The following DLC1 variants were observed in gnomAD, a reference collection of about 807,000 sequenced individuals.
DLC1 encodes the protein rho GTPase-activating protein 7.
In DLC1, 54 loss-of-function variants were observed where a neutral mutation model predicts 140.3. That is an observed-to-expected ratio of 0.38 (90% confidence interval 0.31 to 0.48). DLC1 has a LOEUF of 0.48. Among genes scored for constraint, DLC1 ranks in the 20% least tolerant of loss-of-function variants. The pLI, the probability that DLC1 is intolerant of heterozygous loss-of-function variation, is 0.96. For synonymous variants in DLC1, 986 were observed against 728.1 expected (o/e 1.35, Z -5.70); for missense variants, 2,536 against 1,907.0 (o/e 1.33, Z -6.14).
chr8:13,140,530 C>A (rs936129003), intron 5 of DLC1, among the ~76,000 whole-genome samples: 3 of 151,700 alleles, frequency 2.0e-5, no homozygotes, highest in Admixed American at 6.6e-5. Flanking sequence ...CAGTGCCTGG[C>A]CAACTTTTTT....
intron 2 of DLC1, among the ~76,000 whole-genome samples, chr8:13,413,279 G>GTTTTTTTTTTTTTTT (rs1837880881): frequency 1.6e-4 from 2 of 12,170 alleles, no homozygotes; most frequent in Admixed American, 8.7e-4. Context: ...TTTTTTTTTA[G>GTTTTTTTTTTTTTTT]CTCATCAACT....
intron 4 of DLC1, among the ~76,000 whole-genome samples, chr8:13,386,026 C>T (rs1046801857): frequency 1.3e-5 from 2 of 152,176 alleles, no homozygotes; most frequent in Non-Finnish European, 2.9e-5. Context: ...ATGTGGCATG[C>T]TGTTGGCTTG....
intron 5 of DLC1, among the ~76,000 whole-genome samples, chr8:13,123,052 G>A (rs1287896178): frequency 1.3e-5 from 2 of 152,156 alleles, no homozygotes; most frequent in Non-Finnish European, 2.9e-5. Context: ...AGGAAGCCAA[G>A]TGGAAAGGAA....
intron 5 of DLC1, among the ~76,000 whole-genome samples, chr8:13,233,420 A>G (rs954365614): frequency 6.6e-6 from 1 of 151,862 alleles, no homozygotes; most frequent in African/African-American, 2.4e-5. Flanking sequence ...ATTTCATGAC[A>G]GATACTCTTA....
chr8:13,487,135 G>A (rs1243093901), intron 2 of DLC1, among the ~76,000 whole-genome samples: 7 of 152,098 alleles, frequency 4.6e-5, no homozygotes, highest in African/African-American at 1.4e-4. Flanking sequence ...AGTAGTGACC[G>A]CTTGGTTCTT....
chr8:13,188,803 A>ATATATATATATATATATATATATATGTG (rs1826547105), intron 5 of DLC1, among the ~76,000 whole-genome samples: 3 of 41,414 alleles, frequency 7.2e-5, no homozygotes, highest in Non-Finnish European at 1.4e-4. Flanking sequence ...GTGTGTGTGT[A>ATATATATATATATATATATATATATGTG]TATATATATA....
chr8:13,539,715 G>T lies in DLC1; in HGVS notation c.-125-39519C>A, dbSNP rs192197829. On this transcript the variant is annotated intron_variant, in intron 1 of 1. Transcript: ENST00000631382. Reference sequence around the variant, plus strand: ...TGTTTGTAGCTTTTATTCTGTTTTTGTTCCTGAAGATGAGGCATTAAGAAA... The same window carrying T: ...TGTTTGTAGCTTTTATTCTGTTTTTTTTCCTGAAGATGAGGCATTAAGAAA... Among the ~76,000 whole-genome samples, 748 of 151,534 alleles carry T rather than the reference G, an allele frequency of 4.9e-3. 7 individuals are homozygous for T. The highest frequency in any genetic ancestry group is 0.014 in the Middle Eastern group (4 of 294).
chr8:13,388,386 G>C (rs1164727912), intron 4 of DLC1, among the ~76,000 whole-genome samples: 1 of 151,980 alleles, frequency 6.6e-6, no homozygotes, highest in African/African-American at 2.4e-5. Context: ...TCATTCCAGA[G>C]CTGAAACTCC....
chr8:13,342,784 G>C (rs111906396), intron 4 of DLC1: 3 of 151,506 alleles, frequency 2.0e-5, no homozygotes, highest in Non-Finnish European at 4.4e-5. Flanking sequence ...CATATCCATC[G>C]GTTCTGTTTC....
chr8:13,598,431 A>G (rs1805754251), intron 1 of DLC1, among the ~76,000 whole-genome samples: 1 of 151,896 alleles, frequency 6.6e-6, no homozygotes, highest in East Asian at 1.9e-4. Flanking sequence ...CAGCCAACAA[A>G]CATTTGCTTT....
chr8:13,169,363 A>T (rs1825308711), intron 5 of DLC1, among the ~76,000 whole-genome samples: 1 of 152,196 alleles, frequency 6.6e-6, no homozygotes, highest in African/African-American at 2.4e-5. Context: ...AAAATTATTT[A>T]ATCTCTCAAA....
At chr8:13,546,675 A>C (rs1169403718) in intron 1 of DLC1, among the ~76,000 whole-genome samples, 1 of 152,182 alleles carries the variant, frequency 6.6e-6, no homozygotes, top group East Asian at 1.9e-4. Context: ...CACTCAGTCC[A>C]TAGAGAGTGA....
At chr8:13,359,161 G>A (rs963688582) in intron 4 of DLC1, among the ~76,000 whole-genome samples, 5 of 152,098 alleles carry the variant, frequency 3.3e-5, no homozygotes, top group African/African-American at 1.2e-4. Flanking sequence ...GGATGGTCTC[G>A]ATCTCCTGAC....
intron 1 of DLC1, among the ~76,000 whole-genome samples, chr8:13,577,126 A>C (rs1487462379): frequency 6.6e-6 from 1 of 152,178 alleles, no homozygotes; most frequent in Non-Finnish European, 1.5e-5. Flanking sequence ...ATTTAAGAAC[A>C]GTCCAAACTG....
chr8:13,149,918 T>G (rs1477765460), intron 5 of DLC1, among the ~76,000 whole-genome samples: 1 of 152,220 alleles, frequency 6.6e-6, no homozygotes, highest in Non-Finnish European at 1.5e-5. Context: ...AAACTGAGAC[T>G]TCATTCTGCT....
Position 13,100,129 on chromosome 8 carries a change from G to C in DLC1, c.2208C>G (p.Asn736Lys). 2 of 1,614,108 alleles carry C rather than the reference G, an allele frequency of 1.2e-6. No individual in the cohort carries two copies. The highest frequency in any genetic ancestry group is 1.7e-6 in the Non-Finnish European group (2 of 1,180,038). The change falls in exon 9 of 18, where the codon AAC (asparagine) becomes AAG (lysine). Residue 736 changes from asparagine (N) to lysine (K), a missense_variant. Transcript: ENST00000276297. ...TGCTGCTGCTGCTGGTCTGCGTGGA[G>C]TTGGAAACGCTCCTCTTTCGTACCA... Reference protein sequence around the residue: ...VPMVRKRSVSNSTQTSSSSSQ... With the variant: ...VPMVRKRSVSKSTQTSSSSSQ...
chr8:13,400,320 C>T (rs1837238077), intron 3 of DLC1, among the ~76,000 whole-genome samples: 1 of 152,046 alleles, frequency 6.6e-6, no homozygotes, highest in East Asian at 1.9e-4. Context: ...TCATTTATGC[C>T]TCCCAACGAG....
intron 2 of DLC1, among the ~76,000 whole-genome samples, chr8:13,463,976 G>A (rs893259523): frequency 1.4e-4 from 21 of 152,128 alleles, no homozygotes; most frequent in African/African-American, 4.6e-4. Flanking sequence ...AAAGAAGAGA[G>A]AAAAAGATGA....
chr8:13,375,416 G>A (rs547311812), intron 4 of DLC1, among the ~76,000 whole-genome samples: 35 of 152,252 alleles, frequency 2.3e-4, no homozygotes, highest in Non-Finnish European at 4.3e-4. Flanking sequence ...GGGTTGAGAC[G>A]TTGGAGTTTT....
Sources: allele counts gnomAD v4.1 joint callset (sites outside exome capture counted in the v4.1 genomes callset), GRCh38; gene constraint gnomAD v4.1.1; transcripts MANE v1.5; gene names NCBI Gene and HGNC (gene_info 2026-07-23, HGNC 2026-07-21).